The following DLG2 variants were observed in gnomAD, a reference collection of about 807,000 sequenced individuals.
DLG2 encodes disks large homolog 2.
In DLG2, 45 loss-of-function variants were observed where a neutral mutation model predicts 132.5. The ratio of observed to expected loss-of-function variants is 0.34; its 90% CI spans 0.27 to 0.44. DLG2 has a LOEUF of 0.44. Among genes scored for constraint, DLG2 ranks in the 20% least tolerant of loss-of-function variants. The probability of loss-of-function intolerance (pLI) is 1.00; values close to 1 mark genes in which losing one functional copy is unlikely to be tolerated. For missense variants in DLG2, 1,045 were observed against 1,196.9 expected, an observed-to-expected ratio of 0.87 and a Z score of 1.87; for synonymous variants, 424 against 419.6, an observed-to-expected ratio of 1.01 and a Z score of -0.13.
intron 18 of DLG2, among the ~76,000 whole-genome samples, chr11:83,702,902 GAT>G (rs1350873997): frequency 6.6e-6 from 1 of 152,208 alleles, no homozygotes; most frequent in Non-Finnish European, 1.5e-5. Flanking sequence ...TTAAGGAGGT[GAT>G]GGGAAGAAAG....
intron 22 of DLG2, among the ~76,000 whole-genome samples, chr11:83,473,362 G>A (rs1487267466): frequency 6.6e-6 from 1 of 152,046 alleles, no homozygotes; most frequent in Non-Finnish European, 1.5e-5. Context: ...TATAATTGCT[G>A]CTAAACTGTG....
chr11:83,561,369 G>A (rs1347609631), intron 19 of DLG2, among the ~76,000 whole-genome samples: 2 of 152,162 alleles, frequency 1.3e-5, no homozygotes, highest in Non-Finnish European at 2.9e-5. Flanking sequence ...GGTTAGTGGT[G>A]AGCTATTTAG....
intron 6 of DLG2, among the ~76,000 whole-genome samples, chr11:84,644,173 GTCTTTTCAAAGGTCCA>G (rs981121105): frequency 7.2e-5 from 11 of 152,082 alleles, no homozygotes; most frequent in Non-Finnish European, 1.6e-4. Context: ...GCTGAGATGG[GTCTTTTCAAAGGTCCA>G]TCTATGTATT....
intron 22 of DLG2, among the ~76,000 whole-genome samples, chr11:83,480,811 T>C (rs1459149518): frequency 6.6e-6 from 1 of 152,108 alleles, no homozygotes; most frequent in Non-Finnish European, 1.5e-5. Context: ...GTGTAGGCAG[T>C]GTTTTCTTGC....
intron 21 of DLG2, among the ~76,000 whole-genome samples, chr11:83,489,599 A>C (rs1007290798): frequency 2.8e-4 from 42 of 152,052 alleles, no homozygotes; most frequent in African/African-American, 9.9e-4. Flanking sequence ...TTTTATGTGT[A>C]ATAACGGCAT....
chr11:83,835,142 G>A (rs745418824), intron 16 of DLG2, among the ~76,000 whole-genome samples: 1 of 152,184 alleles, frequency 6.6e-6, no homozygotes, highest in African/African-American at 2.4e-5. Flanking sequence ...AAGTGACATA[G>A]AGTTAACTCA....
chr11:83,710,987 T>A (rs370017746), intron 18 of DLG2, among the ~76,000 whole-genome samples: 16 of 152,190 alleles, frequency 1.1e-4, no homozygotes, highest in Non-Finnish European at 2.1e-4. Context: ...GACTGTCTCA[T>A]TTATTCTCAC....
At chr11:84,978,799 C>A (rs1219992987) in intron 6 of DLG2, among the ~76,000 whole-genome samples, 4 of 152,212 alleles carry the variant, frequency 2.6e-5, no homozygotes, top group Middle Eastern at 6.8e-3. Flanking sequence ...GCAACAAAAG[C>A]CAAAATTGAC....
At chr11:84,703,765 AT>A (rs1273938928) in intron 6 of DLG2, among the ~76,000 whole-genome samples, 1 of 150,130 alleles carries the variant, frequency 6.7e-6, no homozygotes, top group South Asian at 2.1e-4. Context: ...ATAAAAATAC[AT>A]TTTTTAGACT....
intron 18 of DLG2, among the ~76,000 whole-genome samples, chr11:83,777,590 A>G (rs968944593): frequency 2.0e-5 from 3 of 152,240 alleles, no homozygotes; most frequent in African/African-American, 7.2e-5. Context: ...CAATGGTTCT[A>G]TAAACAAAAA....
intron 11 of DLG2, among the ~76,000 whole-genome samples, chr11:84,029,961 G>A (rs145674257): frequency 7.2e-4 from 110 of 152,056 alleles, no homozygotes; most frequent in African/African-American, 2.4e-3. Context: ...TATCCTTACA[G>A]CATTTCCTAA....
At chr11:84,186,799 A>G (rs749321308) in intron 8 of DLG2, among the ~76,000 whole-genome samples, 170 of 152,216 alleles carry the variant, frequency 1.1e-3, no homozygotes, top group Non-Finnish European at 1.3e-3. Context: ...ATAAACTACT[A>G]GTAGTATGTT....
chr11:84,661,212 G>A (rs1336538466), intron 6 of DLG2, among the ~76,000 whole-genome samples: 1 of 152,072 alleles, frequency 6.6e-6, no homozygotes, highest in African/African-American at 2.4e-5. Flanking sequence ...GTTTTGTTTT[G>A]TTTTAACTGC....
chr11:83,930,260 T>G, intron 15 of DLG2, 68 bp downstream of exon 15: 1 of 1,561,400 alleles, frequency 6.4e-7, no homozygotes. Flanking sequence ...AGAGGCGGAT[T>G]CTACCCATTT....
chr11:83,721,981 T>TA (rs1395350866), intron 18 of DLG2, among the ~76,000 whole-genome samples: 3 of 152,104 alleles, frequency 2.0e-5, no homozygotes, highest in Non-Finnish European at 4.4e-5. Context: ...CCAAGGCATA[T>TA]AAAAAATACT....
intron 6 of DLG2, among the ~76,000 whole-genome samples, chr11:84,654,148 C>T (rs776083988): frequency 8.5e-5 from 13 of 152,284 alleles, no homozygotes; most frequent in Middle Eastern, 3.4e-3. Context: ...CTTTCTTCTC[C>T]ATTGCCACCA....
At chr11:84,588,937 G>C (rs938168030) in intron 6 of DLG2, among the ~76,000 whole-genome samples, 4 of 152,064 alleles carry the variant, frequency 2.6e-5, no homozygotes, top group Non-Finnish European at 5.9e-5. Flanking sequence ...TGAGATCAAA[G>C]AACCCTCTCT....
At chr11:84,330,105 C>G (rs1391230124) in intron 7 of DLG2, among the ~76,000 whole-genome samples, 2 of 152,138 alleles carry the variant, frequency 1.3e-5, no homozygotes, top group Non-Finnish European at 2.9e-5. Context: ...TCAACAATGT[C>G]TATTTATGCA....
intron 20 of DLG2, among the ~76,000 whole-genome samples, chr11:83,534,019 C>T (rs2095824008): frequency 6.6e-6 from 1 of 152,084 alleles, no homozygotes; most frequent in Non-Finnish European, 1.5e-5. Flanking sequence ...GAGGGAAAGG[C>T]TTGAGAAATA....
Sources: allele counts gnomAD v4.1 joint callset (sites outside exome capture counted in the v4.1 genomes callset), GRCh38; gene constraint gnomAD v4.1.1; transcripts MANE v1.5; gene names NCBI Gene and HGNC (gene_info 2026-07-23, HGNC 2026-07-21).